The following IMMP2L variants were observed in gnomAD, a reference collection of about 807,000 sequenced individuals.
The protein encoded by IMMP2L is inner mitochondrial membrane peptidase subunit 2, also known as mitochondrial inner membrane protease subunit 2.
Under a neutral mutation model 19.3 loss-of-function variants are expected in IMMP2L, and 18 were observed. The ratio of observed to expected loss-of-function variants is 0.93; its 90% CI spans 0.64 to 1.38. The LOEUF is 1.38. IMMP2L is among the 40% of genes most tolerant of loss of function. The pLI, the probability that IMMP2L is intolerant of heterozygous loss-of-function variation, is 0.00. For missense variants in IMMP2L, 233 were observed against 218.2 expected, an observed-to-expected ratio of 1.07 and a Z score of -0.43; for synonymous variants, 76 against 73.0, an observed-to-expected ratio of 1.04 and a Z score of -0.21.
chr7:111,391,889 A>G (rs1832387797), intron 3 of IMMP2L: 2 of 702,626 alleles, frequency 2.8e-6, no homozygotes, highest in South Asian at 3.0e-5. Flanking sequence ...CCTCTGTTCT[A>G]AAGGATGACA....
chr7:111,158,280 GTAGA>G (rs1804866183), intron 3 of IMMP2L, among the ~76,000 whole-genome samples: 1 of 151,936 alleles, frequency 6.6e-6, no homozygotes, highest in Non-Finnish European at 1.5e-5. Context: ...GTAGATATAG[GTAGA>G]TAGATATAGA....
At chr7:111,076,199 C>T (rs1443816642) in intron 3 of IMMP2L, among the ~76,000 whole-genome samples, 1 of 152,162 alleles carries the variant, frequency 6.6e-6, no homozygotes, top group African/African-American at 2.4e-5. Context: ...ACCAGCACCA[C>T]CAATGTCTCC....
chr7:110,792,278 A>G (rs4730464), intron 5 of IMMP2L, among the ~76,000 whole-genome samples: 144,675 of 151,660 alleles, frequency 0.95, 69,132 homozygotes, highest in East Asian at 0.98. Context: ...TACCTCCTAG[A>G]GTTAGAATTA....
chr7:111,425,631 T>C (rs1184799237), intron 3 of IMMP2L, among the ~76,000 whole-genome samples: 1 of 151,138 alleles, frequency 6.6e-6, no homozygotes, highest in Non-Finnish European at 1.5e-5. Flanking sequence ...GTAATTGTCT[T>C]TTGACTTCTC....
chr7:110,763,715 A>C (rs982052068), intron 5 of IMMP2L, among the ~76,000 whole-genome samples: 1 of 152,172 alleles, frequency 6.6e-6, no homozygotes, highest in African/African-American at 2.4e-5. Context: ...GCAGGGCAAT[A>C]GTAAATTAGG....
intron 5 of IMMP2L, among the ~76,000 whole-genome samples, chr7:110,680,883 G>C (rs945590218): frequency 6.6e-6 from 1 of 152,144 alleles, no homozygotes; most frequent in African/African-American, 2.4e-5. Context: ...GTGCCAGAAA[G>C]TGTCCAGAAA....
In IMMP2L at chr7:111,449,816, G is replaced by A. The variant is rs1439035572; in HGVS notation, c.239+37422C>T. 1.0e-4 allele frequency among the ~76,000 whole-genome samples: 11 copies of A among 106,090 alleles called. No individual in the cohort carries two copies. In the South Asian group the frequency reaches 2.0e-3, roughly 20 times the overall value. 69.6% of individuals were successfully genotyped at this position (106,090 alleles called of 152,430 possible). On this transcript the variant is annotated intron_variant, in intron 3 of 5. Coordinates refer to ENST00000405709, the MANE Select transcript of IMMP2L (RefSeq NM_032549.4). ...GATTGTTTATCTAGAAAACCCCATC[G>A]TCTCAGCCCAAAATCTCCTTAAGCT...
intron 3 of IMMP2L, among the ~76,000 whole-genome samples, chr7:111,025,523 A>G (rs971075844): frequency 2.6e-5 from 4 of 152,198 alleles, no homozygotes; most frequent in Non-Finnish European, 1.5e-5. Flanking sequence ...TTGCGCCTAA[A>G]TGGTTAATTC....
At chr7:110,836,072 C>T (rs1804438705) in intron 5 of IMMP2L, among the ~76,000 whole-genome samples, 3 of 152,060 alleles carry the variant, frequency 2.0e-5, no homozygotes. Context: ...AAATCTCAGT[C>T]AGTATTGCAT....
chr7:111,308,401 C>T (rs943797552), intron 3 of IMMP2L, among the ~76,000 whole-genome samples: 3 of 151,816 alleles, frequency 2.0e-5, no homozygotes, highest in South Asian at 2.1e-4. Context: ...AGATTGAAGA[C>T]GTAGGCAGTG....
At chr7:111,531,158 T>C (rs940797705) in intron 1 of IMMP2L, among the ~76,000 whole-genome samples, 6 of 152,050 alleles carry the variant, frequency 3.9e-5, no homozygotes, top group African/African-American at 1.2e-4. Context: ...GGTTTCACCA[T>C]GTTAGCCAGG....
intron 3 of IMMP2L, among the ~76,000 whole-genome samples, chr7:111,163,162 C>T (rs945623110): frequency 4.6e-5 from 7 of 152,246 alleles, no homozygotes; most frequent in South Asian, 2.1e-4. Context: ...GTCACTCTCA[C>T]TCCCAGACCC....
At chr7:111,403,608 A>T (rs1225234640) in intron 3 of IMMP2L, among the ~76,000 whole-genome samples, 1 of 152,132 alleles carries the variant, frequency 6.6e-6, no homozygotes, top group East Asian at 1.9e-4. Context: ...GGGGTCAATA[A>T]AATAATCTAA....
intron 3 of IMMP2L, among the ~76,000 whole-genome samples, chr7:111,031,148 C>G (rs1790769039): frequency 6.6e-6 from 1 of 151,724 alleles, no homozygotes; most frequent in African/African-American, 2.4e-5. Context: ...TGTATACACA[C>G]AGGTTAGTAA....
chr7:110,831,822 C>A (rs1174229042), intron 5 of IMMP2L, among the ~76,000 whole-genome samples: 7 of 152,180 alleles, frequency 4.6e-5, no homozygotes, highest in Non-Finnish European at 1.0e-4. Context: ...CCCAGGTATT[C>A]TTTCCAGGTG....
rs566957542 is a variant in IMMP2L, at chr7:110,769,442, T to C, written c.409-105721A>G. On this transcript the variant is annotated intron_variant, in intron 5 of 5. Coordinates refer to ENST00000405709, the MANE Select transcript of IMMP2L (RefSeq NM_032549.4). ...ATGCTGGGATTGATTGTCCAGTTAA[T>C]AAATTATCTAGGTCTCCTCCTTCCT... Among the ~76,000 whole-genome samples the C allele has an allele frequency of 3.9e-5, 6 of 152,332 alleles. No homozygotes were observed. In the South Asian group the frequency reaches 8.3e-4, roughly 21 times the overall value.
chr7:111,338,329 C>T (rs1584698009), intron 3 of IMMP2L, among the ~76,000 whole-genome samples: 1 of 151,712 alleles, frequency 6.6e-6, no homozygotes, highest in African/African-American at 2.4e-5. Flanking sequence ...CACGTTCCTC[C>T]CCCCCTTTTT....
chr7:111,077,914 T>C (rs893807934), intron 3 of IMMP2L, among the ~76,000 whole-genome samples: 2 of 152,216 alleles, frequency 1.3e-5, no homozygotes, highest in Non-Finnish European at 2.9e-5. Flanking sequence ...CGTTATACTT[T>C]GCCTTTGTTT....
chr7:111,212,213 T>C (rs1675419037), intron 3 of IMMP2L, among the ~76,000 whole-genome samples: 1 of 152,150 alleles, frequency 6.6e-6, no homozygotes, highest in Non-Finnish European at 1.5e-5. Flanking sequence ...GGGGGAATTA[T>C]AAGGAAGAGT....
Sources: gnomAD v4.1 joint callset for allele counts (sites outside exome capture counted in the v4.1 genomes callset) on GRCh38, gnomAD v4.1.1 for gene constraint, MANE v1.5 for transcripts, NCBI Gene and HGNC (gene_info 2026-07-23, HGNC 2026-07-21) for gene names.